CALCR: variants seen among roughly 807,000 people sequenced by gnomAD.
The protein encoded by CALCR is calcitonin receptor.
A neutral mutation model predicts 59.5 loss-of-function variants in CALCR; 47 were observed. The ratio of observed to expected loss-of-function variants is 0.79; its 90% CI spans 0.63 to 1.01. The LOEUF (loss-of-function observed/expected upper bound fraction) is 1.01, where lower values mean the gene tolerates loss of function less well. Ranked by LOEUF, CALCR falls within the 50% of genes least tolerant of loss-of-function variation. The probability of loss-of-function intolerance (pLI) is 0.00; values close to 1 mark genes in which losing one functional copy is unlikely to be tolerated. For missense variants in CALCR, 566 were observed against 597.1 expected (o/e 0.95, Z 0.54); for synonymous variants, 213 against 211.3 (o/e 1.01, Z -0.07).
intron 2 of CALCR, among the ~76,000 whole-genome samples, chr7:93,569,077 G>GTT (rs113489580): frequency 1.3e-4 from 20 of 150,462 alleles, no homozygotes; most frequent in African/African-American, 2.9e-4. Flanking sequence ...AAATAATTTC[G>GTT]TTTTTTTTTC....
intron 2 of CALCR, among the ~76,000 whole-genome samples, chr7:93,542,557 T>C (rs928427306): frequency 6.6e-6 from 1 of 152,100 alleles, no homozygotes; most frequent in Non-Finnish European, 1.5e-5. Flanking sequence ...ACAAAACTTA[T>C]GAAAAAAATT....
At chr7:93,495,942 C>G in intron 2 of CALCR, 1 of 1,526,702 alleles carries the variant, frequency 6.6e-7, no homozygotes, top group South Asian at 1.2e-5. Context: ...CCTGGGGTGG[C>G]AAAAGTGGGT....
chr7:93,546,576 C>CTTT (rs772741599), intron 2 of CALCR, among the ~76,000 whole-genome samples: 1 of 141,894 alleles, frequency 7.0e-6, no homozygotes, highest in African/African-American at 2.6e-5. Context: ...TTTTTCTTTT[C>CTTT]TTTTTTTTTT....
rs375960623 is a variant in CALCR at position 93,436,029 on chromosome 7, C to T, written c.1072G>A (p.Val358Ile). 4.5e-5 allele frequency: 73 copies of T among 1,613,484 alleles called. No homozygotes were observed. The African/African-American group carries it at 4.8e-4, about 11-fold the overall frequency. Residue 358 changes from valine (V) to isoleucine (I), a missense_variant, in exon 12 of 14, where the codon GTC becomes ATC. Coordinates refer to ENST00000426151, the MANE Select transcript of CALCR (RefSeq NM_001742.4). ...TTGTTGGAAGGTCTCCAGGGAAAGA[C>T]GACAAACTGGATTCCCAGCAGGGGC... is the stretch of plus-strand genomic sequence containing the variant. Reference protein sequence around the residue: ...LVPLLGIQFVVFPWRPSNKML... With the variant: ...LVPLLGIQFVIFPWRPSNKML...
intron 2 of CALCR, among the ~76,000 whole-genome samples, chr7:93,532,527 A>G (rs1039279646): frequency 6.6e-6 from 1 of 152,056 alleles, no homozygotes; most frequent in African/African-American, 2.4e-5. Context: ...GATGGATAAT[A>G]AGAGTAATGA....
intron 2 of CALCR, among the ~76,000 whole-genome samples, chr7:93,509,646 A>G (rs1471617506): frequency 6.6e-6 from 1 of 152,198 alleles, no homozygotes; most frequent in Non-Finnish European, 1.5e-5. Context: ...ACTTTCTGCC[A>G]AATATAGAAG....
At chr7:93,509,492 T>C (rs2116038652) in intron 2 of CALCR, among the ~76,000 whole-genome samples, 1 of 152,278 alleles carries the variant, frequency 6.6e-6, no homozygotes, top group East Asian at 1.9e-4. Context: ...AAAAAACTTT[T>C]AAGACAACTC....
Position 93,495,837 on chromosome 7 carries a change from T to C in CALCR, c.-26-8830A>G, listed in dbSNP as rs1801188820. 4.6e-6 allele frequency: 6 copies of C among 1,303,442 alleles called. No homozygotes were observed. The South Asian group carries it at 7.8e-5, about 17-fold the overall frequency. 80.7% of individuals were successfully genotyped at this position (1,303,442 alleles called of 1,614,324 possible). A position where few individuals can be genotyped will look rare whatever the true frequency, so the allele number is the denominator to read the frequency against. On this transcript the variant is annotated intron_variant, in intron 2 of 13. Transcript: ENST00000426151. Reference sequence around the variant, plus strand: ...GAACATGCAAATGAAGAAACCATTGTAAGAGGTTCAGTTACTGGTGGGACA... The same window carrying C: ...GAACATGCAAATGAAGAAACCATTGCAAGAGGTTCAGTTACTGGTGGGACA...
intron 13 of CALCR, among the ~76,000 whole-genome samples, chr7:93,427,781 C>A (rs1230281352): frequency 6.6e-6 from 1 of 151,810 alleles, no homozygotes; most frequent in Non-Finnish European, 1.5e-5. Flanking sequence ...GAGTAATAAT[C>A]TCCTCTGAGA....
chr7:93,483,454 T>TAGAC (rs879428306), intron 3 of CALCR, among the ~76,000 whole-genome samples: 64 of 92,278 alleles, frequency 6.9e-4, no homozygotes, highest in African/African-American at 3.2e-3. Context: ...GATAGATAGA[T>TAGAC]AGACAGACAG....
intron 13 of CALCR, among the ~76,000 whole-genome samples, 172 bp from the exon 14 acceptor site, chr7:93,426,761 A>G (rs1799540100): frequency 6.6e-6 from 1 of 152,240 alleles, no homozygotes; most frequent in African/African-American, 2.4e-5. Flanking sequence ...ACTTGGAAGA[A>G]GAATTTGCAA....
chr7:93,550,598 AACACACACACACACACAC>A (rs201729250), intron 2 of CALCR, among the ~76,000 whole-genome samples: 15 of 121,848 alleles, frequency 1.2e-4, no homozygotes, highest in African/African-American at 4.3e-4. Flanking sequence ...ATTTGGGCTA[AACACACACACACACACAC>A]ACACACACAC....
chr7:93,525,166 A>T (rs929714532), intron 2 of CALCR, among the ~76,000 whole-genome samples: 1 of 152,116 alleles, frequency 6.6e-6, no homozygotes, highest in Non-Finnish European at 1.5e-5. Context: ...CTTTTTCATA[A>T]TAATATTTTA....
At chr7:93,447,147 T>A (rs534352143) in intron 8 of CALCR, among the ~76,000 whole-genome samples, 2 of 152,140 alleles carry the variant, frequency 1.3e-5, no homozygotes, top group South Asian at 4.1e-4. Flanking sequence ...AGTTTTTTAA[T>A]TGGGTACACT....
At chr7:93,548,069 G>A (rs1789340899) in intron 2 of CALCR, among the ~76,000 whole-genome samples, 1 of 152,152 alleles carries the variant, frequency 6.6e-6, no homozygotes, top group Non-Finnish European at 1.5e-5. Context: ...AAGTAGTTTT[G>A]AGTGTCAATT....
Position 93,564,056 on chromosome 7 carries a change from C to A in CALCR, c.-27+10233G>T, listed in dbSNP as rs928577776. On this transcript the variant is annotated intron_variant, in intron 2 of 13. Transcript: ENST00000426151. ...ATATTTCAATGTCTATTTCATATCC[C>A]AGTTTTCTTGAAAGTTTTCACAACC... Among the ~76,000 whole-genome samples the A allele has an allele frequency of 2.4e-4, 37 of 152,178 alleles. 1 individual carries two copies. The highest frequency in any genetic ancestry group is 5.2e-4 in the Admixed American group (8 of 15,296).
intron 2 of CALCR, among the ~76,000 whole-genome samples, chr7:93,495,472 C>G (rs1424360142): frequency 2.0e-5 from 3 of 151,310 alleles, no homozygotes; most frequent in African/African-American, 7.3e-5. Context: ...TTTAGTAAGA[C>G]AGGAAGCATT....
intron 8 of CALCR, among the ~76,000 whole-genome samples, chr7:93,458,797 G>A (rs1800260099): frequency 6.6e-6 from 1 of 151,994 alleles, no homozygotes; most frequent in Admixed American, 6.6e-5. Flanking sequence ...ACTGTTACTA[G>A]ATTCCAGCGT....
intron 13 of CALCR, among the ~76,000 whole-genome samples, chr7:93,428,442 C>A (rs1456892025): frequency 6.6e-6 from 1 of 152,152 alleles, no homozygotes; most frequent in Non-Finnish European, 1.5e-5. Context: ...CATCAAATGC[C>A]CCATTGAGAA....
Sources: allele counts gnomAD v4.1 joint callset (sites outside exome capture counted in the v4.1 genomes callset), GRCh38; gene constraint gnomAD v4.1.1; transcripts MANE v1.5; gene names NCBI Gene and HGNC (gene_info 2026-07-23, HGNC 2026-07-21).